The following SETDB2 variants were observed in gnomAD, a reference collection of about 807,000 sequenced individuals.
SETDB2 encodes SET domain bifurcated histone lysine methyltransferase 2, also known as histone-lysine N-methyltransferase SETDB2.
In SETDB2, 56 loss-of-function variants were observed where a neutral mutation model predicts 82.5. The observed-to-expected ratio is 0.68, with a 90% CI of 0.55 to 0.85. The LOEUF is 0.85. SETDB2 is among the 40% of genes least tolerant of loss of function. The pLI, the probability that SETDB2 is intolerant of heterozygous loss-of-function variation, is 0.00. For synonymous variants in SETDB2, 272 were observed against 284.9 expected (o/e 0.95, Z 0.46); for missense variants, 677 against 816.4 (o/e 0.83, Z 2.08).
intron 2 of SETDB2, 81 bp downstream of exon 2, chr13:49,451,990 C>G: frequency 1.9e-6 from 2 of 1,050,298 alleles, no homozygotes; most frequent in Admixed American, 2.6e-5. Context: ...GTGGAATTGT[C>G]AAGGTTTTGC....
chr13:49,465,209 G>A lies in SETDB2; in HGVS notation c.209-2655G>A, dbSNP rs574016368. ...AGACTCCCCAGGCTGTCATCAAACC[G>A]CTAATTATGTTTATTTTTCTTGATG... On this transcript the variant is annotated intron_variant, in intron 4 of 13. Transcript: ENST00000611815. Among the ~76,000 whole-genome samples the A allele has an allele frequency of 2.6e-5, 4 of 152,200 alleles. No homozygotes were observed. The East Asian group carries it at 5.8e-4, about 22-fold the overall frequency.
chr13:49,478,211 C>T (rs1057323858), intron 6 of SETDB2, among the ~76,000 whole-genome samples: 2 of 152,148 alleles, frequency 1.3e-5, no homozygotes, highest in Non-Finnish European at 1.5e-5. Flanking sequence ...AAACCTCTCA[C>T]TGTGCTGTTT....
intron 4 of SETDB2, among the ~76,000 whole-genome samples, chr13:49,464,927 G>C (rs1958071517): frequency 6.6e-6 from 1 of 152,034 alleles, no homozygotes; most frequent in Non-Finnish European, 1.5e-5. Context: ...TTAGTTGGCT[G>C]TGGTGGTGTG....
intron 1 of SETDB2, among the ~76,000 whole-genome samples, chr13:49,450,697 A>T (rs947863999): frequency 6.6e-6 from 1 of 151,966 alleles, no homozygotes; most frequent in Non-Finnish European, 1.5e-5. Context: ...ATATATATAT[A>T]TTTTAAATCT....
At chr13:49,472,372 T>C (rs767373918) in intron 5 of SETDB2, among the ~76,000 whole-genome samples, 2 of 152,130 alleles carry the variant, frequency 1.3e-5, no homozygotes, top group Non-Finnish European at 2.9e-5. Context: ...ATGCTCCACT[T>C]TGATGTTCAG....
chr13:49,474,870 G>T (rs562694730), intron 5 of SETDB2, among the ~76,000 whole-genome samples: 2 of 152,178 alleles, frequency 1.3e-5, no homozygotes, highest in Non-Finnish European at 2.9e-5. Context: ...TTCTTTGGTC[G>T]TGCTAGCTAC....
intron 11 of SETDB2, among the ~76,000 whole-genome samples, chr13:49,486,746 C>T (rs1039250957): frequency 6.6e-6 from 1 of 152,198 alleles, no homozygotes; most frequent in African/African-American, 2.4e-5. Flanking sequence ...GTTACTAGTC[C>T]TTGCCATAGT....
intron 5 of SETDB2, among the ~76,000 whole-genome samples, chr13:49,473,551 CAA>C (rs769808278): frequency 3.1e-4 from 19 of 61,534 alleles, no homozygotes; most frequent in Admixed American, 3.5e-4. Flanking sequence ...ACCCTGTCTC[CAA>C]AAAAAAAAAA....
At chr13:49,461,706 A>T (rs1451013054) in intron 4 of SETDB2, among the ~76,000 whole-genome samples, 4 of 152,140 alleles carry the variant, frequency 2.6e-5, no homozygotes. Flanking sequence ...ACACCAATGG[A>T]TGTTGTATTC....
chr13:49,471,762 G>T (rs1439762456), intron 5 of SETDB2, among the ~76,000 whole-genome samples: 1 of 151,480 alleles, frequency 6.6e-6, no homozygotes, highest in Non-Finnish European at 1.5e-5. Context: ...CACTAAAATA[G>T]GAACTTAAAA....
Position 49,485,590 on chromosome 13 carries a change from C to T in SETDB2, c.1483-40C>T, listed in dbSNP as rs552953343. The T allele has an allele frequency of 5.9e-6, 9 of 1,533,042 alleles. No homozygotes were observed. The South Asian group carries it at 8.0e-5, about 14-fold the overall frequency. 95.0% of individuals were successfully genotyped at this position (1,533,042 alleles called of 1,614,324 possible). On this transcript the variant is annotated intron_variant, in intron 10 of 13. Transcript: ENST00000611815. Reference sequence around the variant, plus strand: ...AGGCCTAACTGCTAAATACTTTTGCCTGACCTGGAAAGTAAAGACATCTTC... The same window carrying T: ...AGGCCTAACTGCTAAATACTTTTGCTTGACCTGGAAAGTAAAGACATCTTC...
At chr13:49,457,864 T>A (rs1479949616) in intron 2 of SETDB2, among the ~76,000 whole-genome samples, 2 of 152,238 alleles carry the variant, frequency 1.3e-5, no homozygotes, top group African/African-American at 4.8e-5. Context: ...CCAAAAGCTA[T>A]TTTTAAATAC....
intron 7 of SETDB2, 85 bp from the exon 8 acceptor site, chr13:49,480,862 C>G (rs959870465): frequency 2.1e-5 from 30 of 1,430,394 alleles, no homozygotes; most frequent in South Asian, 6.4e-5. Context: ...AGCCTGCTTC[C>G]CTCAGTAGTT....
chr13:49,449,448 G>T (rs533905781), intron 1 of SETDB2, among the ~76,000 whole-genome samples: 1 of 151,748 alleles, frequency 6.6e-6, no homozygotes, highest in Non-Finnish European at 1.5e-5. Flanking sequence ...ATGGGATTTC[G>T]CCATGTTGGC....
At chr13:49,458,602 G>A (rs1185771493) in intron 2 of SETDB2, among the ~76,000 whole-genome samples, 1 of 151,994 alleles carries the variant, frequency 6.6e-6, no homozygotes, top group Non-Finnish European at 1.5e-5. Context: ...TATTCTGTAT[G>A]TTCTCCCTAT....
Position 49,485,453 on chromosome 13 carries a change from G to A in SETDB2, c.1483-177G>A, listed in dbSNP as rs1045413525. Among the ~76,000 whole-genome samples, 5 of 152,124 alleles carry A rather than the reference G, an allele frequency of 3.3e-5. No individual in the cohort carries two copies. In the South Asian group the frequency reaches 8.3e-4, roughly 25 times the overall value. Reference sequence around the variant, plus strand: ...CCTAGAAGTAGAACAGAGTCAAAGGGGATGACACTTGTTGACTCCATTAGT... The same window carrying A: ...CCTAGAAGTAGAACAGAGTCAAAGGAGATGACACTTGTTGACTCCATTAGT... On this transcript the variant is annotated intron_variant, in intron 10 of 13. Transcript: ENST00000611815.
At chr13:49,446,553 C>A in intron 1 of SETDB2, 1 of 333,686 alleles carries the variant, frequency 3.0e-6, no homozygotes, top group East Asian at 9.1e-5. Flanking sequence ...AAATACTATA[C>A]TACATCATTC....
At chr13:49,488,854 C>G (rs774452072) in intron 12 of SETDB2, 1 of 434,070 alleles carries the variant, frequency 2.3e-6, no homozygotes, top group Non-Finnish European at 4.1e-6. Flanking sequence ...TTATGAGAAT[C>G]TAATGAATTA....
intron 7 of SETDB2, 97 bp from the exon 8 acceptor site, chr13:49,480,850 T>A (rs1958463276): frequency 1.5e-6 from 2 of 1,300,754 alleles, no homozygotes; most frequent in African/African-American, 1.5e-5. Flanking sequence ...GCTTTCACAT[T>A]TAGCCTGCTT....
Sources: gnomAD v4.1 joint callset for allele counts (sites outside exome capture counted in the v4.1 genomes callset) on GRCh38, gnomAD v4.1.1 for gene constraint, MANE v1.5 for transcripts, NCBI Gene and HGNC (gene_info 2026-07-23, HGNC 2026-07-21) for gene names.